Variants in CSMD3 observed in about 807,000 individuals in gnomAD.
CSMD3 encodes the protein CUB and sushi domain-containing protein 3.
A neutral mutation model predicts 435.2 loss-of-function variants in CSMD3; 177 were observed. The ratio of observed to expected loss-of-function variants is 0.41; its 90% confidence interval spans 0.36 to 0.46. The LOEUF is 0.46. Ranked by LOEUF, CSMD3 falls within the 20% of genes least tolerant of loss-of-function variation. The pLI, the probability that CSMD3 is intolerant of heterozygous loss-of-function variation, is 0.34. For missense variants in CSMD3, 4,265 were observed against 4,504.6 expected, an observed-to-expected ratio of 0.95 and a Z score of 1.52; for synonymous variants, 1,656 against 1,520.5, an observed-to-expected ratio of 1.09 and a Z score of -2.07.
intron 38 of CSMD3, among the ~76,000 whole-genome samples, chr8:112,366,982 A>G (rs1272071315): frequency 6.6e-6 from 1 of 151,818 alleles, no homozygotes; most frequent in Non-Finnish European, 1.5e-5. Flanking sequence ...TATACATTCA[A>G]TTTTTCTATA....
intron 3 of CSMD3, among the ~76,000 whole-genome samples, chr8:113,239,534 C>CT (rs59720440): frequency 3.8e-5 from 5 of 132,910 alleles, no homozygotes; most frequent in Middle Eastern, 3.7e-3. Context: ...ATCTATCTAT[C>CT]ATCTATCTTA....
chr8:113,199,163 A>G (rs544192111), intron 3 of CSMD3, among the ~76,000 whole-genome samples: 33 of 151,124 alleles, frequency 2.2e-4, no homozygotes, highest in Non-Finnish European at 3.1e-4. Context: ...CGGTTCATTT[A>G]TATTTTCTTT....
chr8:113,193,156 T>C (rs1376516970), intron 3 of CSMD3, among the ~76,000 whole-genome samples: 2 of 151,234 alleles, frequency 1.3e-5, no homozygotes, highest in African/African-American at 2.4e-5. Context: ...ATATTTTGCA[T>C]GGAAACACTC....
Position 112,305,992 on chromosome 8 carries a change from C to T in CSMD3, c.8071+15G>A, listed in dbSNP as rs372292161. The T allele has an allele frequency of 3.7e-6, 6 of 1,604,416 alleles. No individual in the cohort carries two copies. The highest frequency in any genetic ancestry group is 1.7e-6 in the Non-Finnish European group (2 of 1,171,486). On this transcript the variant is annotated intron_variant, in intron 51 of 70. Coordinates refer to ENST00000297405, the MANE Select transcript of CSMD3 (RefSeq NM_198123.2). ...AAGAGAAAAACAAGTGATGAAATTC[C>T]CTTGACACACATACCAACACAGCGA...
intron 6 of CSMD3, among the ~76,000 whole-genome samples, chr8:112,985,759 C>T (rs750913620): frequency 2.6e-5 from 4 of 152,130 alleles, no homozygotes; most frequent in Non-Finnish European, 4.4e-5. Flanking sequence ...ATCTAGGTTG[C>T]AAACTCCTTA....
At chr8:112,368,718 A>C (rs914111124) in intron 38 of CSMD3, among the ~76,000 whole-genome samples, 2 of 152,180 alleles carry the variant, frequency 1.3e-5, no homozygotes, top group African/African-American at 4.8e-5. Context: ...AAGTAGGGAT[A>C]TAATACAGGA....
intron 1 of CSMD3, among the ~76,000 whole-genome samples, chr8:113,381,072 C>A (rs2094413114): frequency 6.6e-6 from 1 of 152,142 alleles, no homozygotes; most frequent in African/African-American, 2.4e-5. Context: ...TGTTTCTTGA[C>A]TTCAAAAATA....
chr8:112,757,636 T>C (rs368297202), intron 13 of CSMD3, among the ~76,000 whole-genome samples: 1 of 151,972 alleles, frequency 6.6e-6, no homozygotes, highest in Non-Finnish European at 1.5e-5. Context: ...AGAAGAGCAG[T>C]TGATTTTTAG....
intron 38 of CSMD3, among the ~76,000 whole-genome samples, chr8:112,364,805 A>G (rs930040079): frequency 1.1e-4 from 17 of 152,116 alleles, no homozygotes; most frequent in Non-Finnish European, 2.5e-4. Context: ...AAAATTACAA[A>G]CAGGAGCAAA....
intron 13 of CSMD3, among the ~76,000 whole-genome samples, chr8:112,797,684 AAG>A (rs199946169): frequency 0.012 from 1,820 of 151,946 alleles, 34 homozygotes; most frequent in African/African-American, 0.04. Flanking sequence ...CTACTCAACA[AAG>A]AGCATGGTAA....
intron 31 of CSMD3, among the ~76,000 whole-genome samples, chr8:112,473,721 A>ATTTTT (rs71309772): frequency 2.3e-4 from 30 of 131,300 alleles, no homozygotes; most frequent in East Asian, 1.6e-3. Flanking sequence ...AGGAAGAGGG[A>ATTTTT]TTTTTTTTTT....
At chr8:113,323,281 T>C (rs755787476) in intron 1 of CSMD3, among the ~76,000 whole-genome samples, 7 of 152,158 alleles carry the variant, frequency 4.6e-5, no homozygotes, top group African/African-American at 1.2e-4. Flanking sequence ...ACTGTAGACA[T>C]TGAACACTCT....
intron 16 of CSMD3, among the ~76,000 whole-genome samples, chr8:112,672,404 C>T (rs545677192): frequency 2.0e-5 from 3 of 152,178 alleles, no homozygotes; most frequent in Non-Finnish European, 2.9e-5. Flanking sequence ...GACTTTCAAA[C>T]GTTAGTGGCC....
chr8:113,177,342 G>A (rs2092361612), intron 3 of CSMD3, among the ~76,000 whole-genome samples: 1 of 151,952 alleles, frequency 6.6e-6, no homozygotes, highest in South Asian at 2.1e-4. Flanking sequence ...TTCATCAGAT[G>A]TACATGCAAG....
chr8:113,272,498 G>A (rs527320335), intron 3 of CSMD3, among the ~76,000 whole-genome samples: 1 of 151,226 alleles, frequency 6.6e-6, no homozygotes, highest in Admixed American at 6.6e-5. Context: ...TCTCTTGCCA[G>A]CACCATGTAA....
chr8:113,392,951 A>G (rs72673212), intron 1 of CSMD3, among the ~76,000 whole-genome samples: 3,257 of 64,546 alleles, frequency 0.05, 42 homozygotes, highest in Non-Finnish European at 0.067. Context: ...GTCTATATAT[A>G]TATATATGTG....
intron 7 of CSMD3, among the ~76,000 whole-genome samples, chr8:112,964,257 C>T (rs2084335685): frequency 6.6e-6 from 1 of 151,818 alleles, no homozygotes; most frequent in Admixed American, 6.6e-5. Context: ...AACATAATTC[C>T]ATATATTCAG....
chr8:112,774,404 C>T (rs918787420), intron 13 of CSMD3, among the ~76,000 whole-genome samples: 3 of 152,082 alleles, frequency 2.0e-5, no homozygotes, highest in East Asian at 1.9e-4. Context: ...GAGAATTTTC[C>T]GTACTTTATT....
intron 12 of CSMD3, among the ~76,000 whole-genome samples, chr8:112,824,418 G>C (rs231293): frequency 0.21 from 31,271 of 152,068 alleles, 4,040 homozygotes; most frequent in Non-Finnish European, 0.3. Context: ...TCATATTTTG[G>C]TGTGTTTTTG....
Sources: allele counts gnomAD v4.1 joint callset (sites outside exome capture counted in the v4.1 genomes callset), GRCh38; gene constraint gnomAD v4.1.1; transcripts MANE v1.5; gene names NCBI Gene and HGNC (gene_info 2026-07-23, HGNC 2026-07-21).